Variants in CDH4 observed in about 807,000 individuals in gnomAD.
The protein encoded by CDH4 is cadherin 4.
A neutral mutation model predicts 86.0 loss-of-function variants in CDH4; 33 were observed. That is an observed-to-expected ratio of 0.38 (90% CI 0.29 to 0.51). The LOEUF (loss-of-function observed/expected upper bound fraction) is 0.51, where lower values mean the gene tolerates loss of function less well. Among genes scored for constraint, CDH4 ranks in the 20% least tolerant of loss-of-function variants. The pLI is 0.86. For synonymous variants in CDH4, 555 were observed against 549.4 expected (o/e 1.01, Z -0.14); for missense variants, 1,114 against 1,307.4 (o/e 0.85, Z 2.28).
intron 2 of CDH4, among the ~76,000 whole-genome samples, chr20:61,525,941 G>C (rs79008583): frequency 6.6e-6 from 1 of 152,188 alleles, no homozygotes; most frequent in Non-Finnish European, 1.5e-5. Flanking sequence ...ACAGCTCAGC[G>C]TTGGTGGTCA....
At chr20:61,818,803 G>A (rs1157621645) in intron 4 of CDH4, among the ~76,000 whole-genome samples, 2 of 152,096 alleles carry the variant, frequency 1.3e-5, no homozygotes, top group East Asian at 1.9e-4. Context: ...AAAGGAGCAG[G>A]TGGGCTTTCC....
At position 61,466,169 on chromosome 20, in the gene CDH4, G is replaced by A. The variant is rs1164500573; in HGVS notation, c.169+211232G>A. On this transcript the variant is annotated intron_variant, in intron 2 of 15. Transcript: ENST00000614565. ...CACAACAGCCAGCTGAAAATGGAAAGGTTTAGTCAGGAATTTACAAAGAAC... is the reference window on the plus strand; with the variant it reads ...CACAACAGCCAGCTGAAAATGGAAAAGTTTAGTCAGGAATTTACAAAGAAC... Among the ~76,000 whole-genome samples, 8 of 152,300 alleles carry A rather than the reference G, an allele frequency of 5.3e-5. 1 individual carries two copies. The South Asian group carries it at 6.2e-4, about 12-fold the overall frequency.
At chr20:61,585,659 T>C (rs1320916952) in intron 2 of CDH4, among the ~76,000 whole-genome samples, 1 of 149,934 alleles carries the variant, frequency 6.7e-6, no homozygotes, top group Non-Finnish European at 1.5e-5. Flanking sequence ...GTGATGGTGA[T>C]GGTGATTGTG....
intron 2 of CDH4, among the ~76,000 whole-genome samples, chr20:61,586,732 A>G (rs1274144306): frequency 6.6e-6 from 1 of 152,210 alleles, no homozygotes; most frequent in Non-Finnish European, 1.5e-5. Flanking sequence ...ACCTGGGACT[A>G]TAGATCACAC....
intron 5 of CDH4, among the ~76,000 whole-genome samples, chr20:61,850,194 C>T (rs59219490): frequency 4.6e-5 from 7 of 152,194 alleles, no homozygotes; most frequent in Non-Finnish European, 7.3e-5. Flanking sequence ...TGTCATCTTC[C>T]GAAAGTTTTC....
At chr20:61,523,372 T>A (rs1274072245) in intron 2 of CDH4, among the ~76,000 whole-genome samples, 1 of 152,240 alleles carries the variant, frequency 6.6e-6, no homozygotes, top group African/African-American at 2.4e-5. Context: ...TTGCCACGTG[T>A]GATGATTGCG....
In CDH4 at chr20:61,393,976, T is replaced by C. The variant is rs764883965; in HGVS notation, c.169+139039T>C. Among the ~76,000 whole-genome samples the C allele has an allele frequency of 1.3e-5, 2 of 152,226 alleles. No individual in the cohort carries two copies. The highest frequency in any genetic ancestry group is 2.9e-5 in the Non-Finnish European group (2 of 68,040). On this transcript the variant is annotated intron_variant, in intron 2 of 15. Coordinates refer to ENST00000614565, the MANE Select transcript of CDH4 (RefSeq NM_001794.5). The surrounding 1 kb of genome is among the most constrained non-coding windows in gnomAD (Gnocchi z 4.3). ...TTATACCAATGTAATCTAATAACAT[T>C]GCTCTATCTGCATAGATCACAGAAG...
At chr20:61,715,693 C>G (rs541218507) in intron 2 of CDH4, among the ~76,000 whole-genome samples, 1 of 152,330 alleles carries the variant, frequency 6.6e-6, no homozygotes, top group South Asian at 2.1e-4. Context: ...GACCACCCAG[C>G]TTTGCCGGAG....
At chr20:61,723,868 C>A (rs1393743128) in intron 2 of CDH4, among the ~76,000 whole-genome samples, 1 of 152,212 alleles carries the variant, frequency 6.6e-6, no homozygotes, top group East Asian at 1.9e-4. Flanking sequence ...GCTGGCGGCT[C>A]CATGCGGCAG....
intron 2 of CDH4, among the ~76,000 whole-genome samples, chr20:61,564,271 ACT>A (rs2086244915): frequency 6.6e-6 from 1 of 151,274 alleles, no homozygotes; most frequent in Admixed American, 6.6e-5. Flanking sequence ...TGTTCACCCC[ACT>A]CTGGCCATTA....
chr20:61,777,958 C>T (rs1306417370), intron 4 of CDH4, among the ~76,000 whole-genome samples: 3 of 151,858 alleles, frequency 2.0e-5, no homozygotes, highest in Non-Finnish European at 4.4e-5. Flanking sequence ...CATGCACACA[C>T]GTGCATACTA....
chr20:61,426,199 T>A (rs1428750436), intron 2 of CDH4, among the ~76,000 whole-genome samples: 2 of 152,234 alleles, frequency 1.3e-5, no homozygotes, highest in Non-Finnish European at 2.9e-5. Context: ...TTCTTTTTCA[T>A]CTGAGAGTTA....
intron 2 of CDH4, among the ~76,000 whole-genome samples, chr20:61,439,153 A>G (rs562733486): frequency 1.1e-3 from 172 of 152,288 alleles, no homozygotes; most frequent in African/African-American, 1.7e-3. Context: ...GGTCAAAACA[A>G]TCTTGGTGCT....
intron 2 of CDH4, among the ~76,000 whole-genome samples, chr20:61,720,027 T>C (rs1328958284): frequency 6.6e-6 from 1 of 152,120 alleles, no homozygotes; most frequent in Non-Finnish European, 1.5e-5. Context: ...TTCTTGCAAG[T>C]TCCTCCCATG....
At chr20:61,687,998 A>G (rs915059792) in intron 2 of CDH4, among the ~76,000 whole-genome samples, 4 of 152,142 alleles carry the variant, frequency 2.6e-5, no homozygotes, top group Admixed American at 2.0e-4. Flanking sequence ...TGACTTCATA[A>G]TAAGTCGTAA....
intron 8 of CDH4, among the ~76,000 whole-genome samples, chr20:61,899,086 G>A (rs141248909): frequency 0.036 from 5,461 of 152,118 alleles, 264 homozygotes; most frequent in African/African-American, 0.12. Flanking sequence ...CACGAGGTCC[G>A]GAGTTCAAGA....
rs2085152139 is a variant in CDH4, at chr20:61,417,240, TC to T, written c.169+162308del. Among the ~76,000 whole-genome samples the T allele has an allele frequency of 1.3e-5, 2 of 151,446 alleles. No homozygotes were observed. The highest frequency in any genetic ancestry group is 2.9e-5 in the Non-Finnish European group (2 of 67,860). ...TTTCTCTCTTGGTCGTGCTCTCTCT[TC>T]CCCCTCCCTCTCACTCTTTTCTCCC... On this transcript the variant is annotated intron_variant, in intron 2 of 15. Coordinates refer to ENST00000614565, the MANE Select transcript of CDH4 (RefSeq NM_001794.5). This position sits in a 1 kb window ranked among gnomAD's most constrained non-coding sequence, Gnocchi z 4.0.
chr20:61,319,891 G>A (rs991209948), intron 2 of CDH4, among the ~76,000 whole-genome samples: 9 of 151,686 alleles, frequency 5.9e-5, no homozygotes, highest in African/African-American at 2.2e-4. Context: ...GGAGGCGAAG[G>A]ATGCAGTAAG....
intron 2 of CDH4, among the ~76,000 whole-genome samples, chr20:61,416,778 G>C (rs184529768): frequency 6.6e-6 from 1 of 152,192 alleles, no homozygotes; most frequent in Non-Finnish European, 1.5e-5. Context: ...GAGTCTCCCC[G>C]CAGCTCCAGA....
Sources: allele counts gnomAD v4.1 joint callset (sites outside exome capture counted in the v4.1 genomes callset), GRCh38; gene constraint gnomAD v4.1.1; non-coding constraint Gnocchi (gnomAD v3.1); transcripts MANE v1.5; gene names NCBI Gene and HGNC (gene_info 2026-07-23, HGNC 2026-07-21).